CDK13: variants seen among roughly 807,000 people sequenced by gnomAD.
CDK13 encodes the protein cyclin dependent kinase 13.
A neutral mutation model predicts 137.6 loss-of-function variants in CDK13; 40 were observed. That is an observed-to-expected ratio of 0.29 (90% CI 0.23 to 0.38). The LOEUF (loss-of-function observed/expected upper bound fraction) is 0.38, where lower values mean the gene tolerates loss of function less well. CDK13 is among the 10% of genes least tolerant of loss of function. CDK13 has a pLI of 1.00. For missense variants in CDK13, 1,704 were observed against 1,951.8 expected (o/e 0.87, Z 2.39); for synonymous variants, 869 against 760.1 (o/e 1.14, Z -2.36).
At chr7:40,074,115 T>A (rs745388467) in intron 9 of CDK13, among the ~76,000 whole-genome samples, 1 of 152,158 alleles carries the variant, frequency 6.6e-6, no homozygotes, top group Non-Finnish European at 1.5e-5. Context: ...TTGCCGAGCC[T>A]AGTCTCAAAC....
rs998175874 is a variant in CDK13 at position 39,950,872 on chromosome 7, C to T, written c.231C>T (p.Ser77=). The T allele has an allele frequency of 1.2e-5, 16 of 1,365,508 alleles. No individual in the cohort carries two copies. The African/African-American group carries it at 2.1e-4, about 18-fold the overall frequency. 84.6% of individuals were successfully genotyped at this position (1,365,508 alleles called of 1,614,324 possible). ...CCGCAGCCGCCGCCGCCGCGGCCTC[C>T]TCCTCTTGCTTCAGCCCGGGCCCCC... ...AAAAAAAAAA[S]SSCFSPGPPL... Residue 77 remains serine, a synonymous_variant, in exon 1 of 14, where the codon TCC becomes TCT. Coordinates refer to ENST00000181839, the MANE Select transcript of CDK13 (RefSeq NM_003718.5).
intron 5 of CDK13, among the ~76,000 whole-genome samples, chr7:40,017,228 T>C (rs1303603558): frequency 6.6e-6 from 1 of 152,142 alleles, no homozygotes; most frequent in Admixed American, 6.5e-5. Flanking sequence ...CGGTTATTGG[T>C]TTTTAGCGTC....
intron 5 of CDK13, among the ~76,000 whole-genome samples, chr7:40,037,577 C>T (rs992434934): frequency 1.3e-5 from 2 of 152,232 alleles, no homozygotes; most frequent in Non-Finnish European, 2.9e-5. Flanking sequence ...CTGTTGGTCA[C>T]ACAGACCGTC....
intron 1 of CDK13, among the ~76,000 whole-genome samples, chr7:39,956,088 T>C (rs753813510): frequency 9.2e-5 from 14 of 152,086 alleles, no homozygotes; most frequent in Non-Finnish European, 1.3e-4. Flanking sequence ...AATGAAGATA[T>C]TCCGTAATGA....
At chr7:40,024,697 T>C (rs1194548302) in intron 5 of CDK13, among the ~76,000 whole-genome samples, 4 of 145,628 alleles carry the variant, frequency 2.7e-5, no homozygotes, top group Non-Finnish European at 6.0e-5. Context: ...AGAGTCTTGC[T>C]CTTTTGTCCA....
intron 2 of CDK13, among the ~76,000 whole-genome samples, chr7:39,992,257 G>A (rs1037894894): frequency 6.6e-6 from 1 of 151,764 alleles, no homozygotes; most frequent in African/African-American, 2.4e-5. Flanking sequence ...GAATGCAGTG[G>A]CGCCATCTAG....
chr7:40,027,790 T>C (rs1392780563), intron 5 of CDK13, among the ~76,000 whole-genome samples: 2 of 151,488 alleles, frequency 1.3e-5, no homozygotes, highest in African/African-American at 2.4e-5. Flanking sequence ...TCTTACGAGG[T>C]TGAGACTTAA....
intron 11 of CDK13, among the ~76,000 whole-genome samples, chr7:40,083,207 C>T (rs924272508): frequency 1.3e-5 from 2 of 150,768 alleles, no homozygotes; most frequent in African/African-American, 4.9e-5. Flanking sequence ...CATGGTGACT[C>T]ATGCCTGTAA....
chr7:40,002,030 A>G lies in CDK13; in HGVS notation c.2352A>G (p.Lys784=). Residue 784 remains lysine (K), a splice_region_variant and synonymous_variant, in exon 5 of 14, where the codon AAA becomes AAG. Transcript: ENST00000181839. ...ATGCTTTGGATTTCAAGAAGGACAA[A>G]GGTATGTGTGCATATTTAAATAACG... The part of the protein sequence containing the change: ...KEDALDFKKD[K]GAFYLVFEYM... 6.3e-7 allele frequency: 1 copy of G among 1,592,896 alleles called. No homozygotes were observed. Among genetic ancestry groups the G allele is most frequent in the Non-Finnish European group, 8.5e-7 (1 of 1,172,234 alleles).
At chr7:40,079,673 C>T (rs932224917) in intron 11 of CDK13, among the ~76,000 whole-genome samples, 2 of 152,156 alleles carry the variant, frequency 1.3e-5, no homozygotes, top group African/African-American at 4.8e-5. Context: ...GTACAGCCAG[C>T]TCTCAAATTC....
intron 7 of CDK13, among the ~76,000 whole-genome samples, chr7:40,051,876 G>A (rs183034531): frequency 3.9e-5 from 6 of 152,150 alleles, no homozygotes; most frequent in African/African-American, 1.4e-4. Context: ...TTGAACATTG[G>A]GATTTATACT....
intron 1 of CDK13, among the ~76,000 whole-genome samples, chr7:39,964,278 T>C (rs1562700841): frequency 2.6e-5 from 4 of 152,212 alleles, no homozygotes; most frequent in African/African-American, 7.2e-5. Flanking sequence ...AAGCTATTAA[T>C]TATTGCCTCA....
At chr7:39,995,252 A>G (rs1157237787) in intron 2 of CDK13, among the ~76,000 whole-genome samples, 3 of 152,216 alleles carry the variant, frequency 2.0e-5, no homozygotes, top group Admixed American at 6.5e-5. Flanking sequence ...GACATTTAAT[A>G]TAGATAGTCT....
intron 5 of CDK13, among the ~76,000 whole-genome samples, chr7:40,029,548 C>T (rs1303081856): frequency 3.3e-5 from 5 of 151,454 alleles, no homozygotes; most frequent in East Asian, 2.0e-4. Context: ...GGTGAAACCC[C>T]GTCTCTACTA....
chr7:39,967,683 A>G (rs1482596164), intron 1 of CDK13, among the ~76,000 whole-genome samples: 3 of 152,126 alleles, frequency 2.0e-5, no homozygotes, highest in South Asian at 2.1e-4. Context: ...CATGATGGCT[A>G]TAGTAATTTA....
chr7:40,093,100 C>G lies in CDK13; in HGVS notation c.3551C>G (p.Ala1184Gly), dbSNP rs760424068. 6.2e-7 allele frequency: 1 copy of G among 1,614,146 alleles called. No homozygotes were observed. Among genetic ancestry groups the G allele is most frequent in the South Asian group, 1.1e-5 (1 of 91,080 alleles). Residue 1184 changes from alanine to glycine, a missense_variant, in exon 13 of 14, where the codon GCA (alanine) becomes GGA (glycine). Physicochemically the swap from Ala to Gly is moderately conservative, Grantham distance 60. Coordinates refer to ENST00000181839, the MANE Select transcript of CDK13 (RefSeq NM_003718.5). ...CAGGCGGCTGTGCAGAGTGCATTTG[C>G]AGTTCTGTTGACTCAGTTAATAAAG... ...AAQAAVQSAF[A>G]VLLTQLIKAQ...
chr7:40,005,443 C>T (rs1285135370), intron 5 of CDK13, among the ~76,000 whole-genome samples: 2 of 151,794 alleles, frequency 1.3e-5, no homozygotes, highest in East Asian at 3.9e-4. Context: ...GTGTGTGTCA[C>T]TACACCCATC....
intron 1 of CDK13, among the ~76,000 whole-genome samples, chr7:39,982,723 T>C (rs1784255094): frequency 6.6e-6 from 1 of 152,234 alleles, no homozygotes; most frequent in Non-Finnish European, 1.5e-5. Context: ...TGGTGTGAGA[T>C]GGTATCTCAT....
At position 40,065,709 on chromosome 7, in the gene CDK13, A is replaced by G; in HGVS notation, c.2780+2609A>G. ...CTACTAAATAAGAAAAGGAAAGCAA[A>G]TTAATTAAGCATTCTACAGACAAAC... On this transcript the variant is annotated intron_variant, in intron 9 of 13. Transcript: ENST00000181839. Among the ~76,000 whole-genome samples the G allele has an allele frequency of 1.3e-5, 2 of 152,204 alleles. 1 individual carries two copies. The highest frequency in any genetic ancestry group is 2.9e-5 in the Non-Finnish European group (2 of 68,048).
Sources: gnomAD v4.1 joint callset for allele counts (sites outside exome capture counted in the v4.1 genomes callset) on GRCh38, gnomAD v4.1.1 for gene constraint, MANE v1.5 for transcripts, NCBI Gene and HGNC (gene_info 2026-07-23, HGNC 2026-07-21) for gene names.